The following PGLYRP2 variants were observed in gnomAD, a reference collection of about 807,000 sequenced individuals.
PGLYRP2 encodes N-acetylmuramoyl-L-alanine amidase.
Under a neutral mutation model 46.2 loss-of-function variants are expected in PGLYRP2, and 38 were observed. The ratio of observed to expected loss-of-function variants is 0.82; its 90% CI spans 0.64 to 1.08. PGLYRP2 has a LOEUF of 1.08. Ranked by LOEUF, PGLYRP2 falls within the 50% of genes least tolerant of loss-of-function variation. The pLI is 0.00. For synonymous variants in PGLYRP2, 289 were observed against 329.4 expected, an observed-to-expected ratio of 0.88 and a Z score of 1.33; for missense variants, 713 against 755.9, an observed-to-expected ratio of 0.94 and a Z score of 0.67.
In PGLYRP2 at chr19:15,475,702, C is replaced by T; in HGVS notation, c.968G>A (p.Gly323Asp). ...GFRSNFRRQNGAALTSASILA... is the reference protein window; with the variant it reads ...GFRSNFRRQNDAALTSASILA... ...GATGGAGGCTGAAGTCAGAGCAGCACCGTTCTGCCGTCGGAAGTTGCTGCG... is the reference window on the plus strand; with the variant it reads ...GATGGAGGCTGAAGTCAGAGCAGCATCGTTCTGCCGTCGGAAGTTGCTGCG... Residue 323 changes from glycine (G) to aspartate (D), a missense_variant, in exon 2 of 5, where the codon GGT becomes GAT. Transcript: ENST00000340880. 1 of 1,614,094 alleles carries T rather than the reference C, an allele frequency of 6.2e-7. No homozygotes were observed. Among genetic ancestry groups the T allele is most frequent in the Non-Finnish European group, 8.5e-7 (1 of 1,179,986 alleles).
intron 3 of PGLYRP2, among the ~76,000 whole-genome samples, chr19:15,470,241 TTTCCTTCCTTCC>T (rs71176417): frequency 2.7e-4 from 27 of 100,032 alleles, no homozygotes; most frequent in East Asian, 5.9e-4. Context: ...GTTTTTTTTC[TTTCCTTCCTTCC>T]TTCCTTCCTT....
At chr19:15,470,131 C>T (rs1008757533) in intron 3 of PGLYRP2, among the ~76,000 whole-genome samples, 1 of 152,208 alleles carries the variant, frequency 6.6e-6, no homozygotes, top group Non-Finnish European at 1.5e-5. Flanking sequence ...CTGGATCCGC[C>T]CTTCAGTACT....
chr19:15,477,793 A>G (rs1970812007), intron 1 of PGLYRP2, among the ~76,000 whole-genome samples: 1 of 152,038 alleles, frequency 6.6e-6, no homozygotes, highest in Non-Finnish European at 1.5e-5. Flanking sequence ...GGCTTGTGCC[A>G]TGTTGGGGAA....
Position 15,476,294 on chromosome 19 carries a change from C to T in PGLYRP2, c.376G>A (p.Ala126Thr), listed in dbSNP as rs1454090169. 2 of 1,614,210 alleles carry T rather than the reference C, an allele frequency of 1.2e-6. No individual in the cohort carries two copies. The change falls in exon 2 of 5, where the codon GCG becomes ACG. Residue 126 changes from alanine to threonine, a missense_variant. Ala to Thr is a moderately conservative substitution (Grantham distance 58). Coordinates refer to ENST00000340880, the MANE Select transcript of PGLYRP2 (RefSeq NM_052890.4). ...GSTVAVEPLLAGLEAGLQGRR... is the reference protein window; with the variant it reads ...GSTVAVEPLLTGLEAGLQGRR... ...CCTTGCAGCCCTGCCTCCAGCCCCG[C>T]CAGCAGAGGCTCCACAGCCACGGTC...
chr19:15,469,369 T>C lies in PGLYRP2; in HGVS notation c.1641+263A>G. The C allele has an allele frequency of 2.9e-6, 2 of 693,326 alleles. No homozygotes were observed. The highest frequency in any genetic ancestry group is 5.3e-6 in the Non-Finnish European group (2 of 380,564). 42.9% of individuals were successfully genotyped at this position (693,326 alleles called of 1,614,324 possible). On this transcript the variant is annotated intron_variant, in intron 4 of 4. Transcript: ENST00000340880. This position sits in a 1 kb window ranked among gnomAD's most constrained non-coding sequence, Gnocchi z 4.9. ...GCCTTGGCTGGAAAGGTAGAGGTAT[T>C]AGGAGCTGGGGAAAGGACAGGCTGG...
chr19:15,473,025 C>T (rs1174084374), intron 2 of PGLYRP2, among the ~76,000 whole-genome samples: 2 of 152,092 alleles, frequency 1.3e-5, no homozygotes, highest in Non-Finnish European at 2.9e-5. Flanking sequence ...TAAAGCTGCA[C>T]ACCTACAAAC....
chr19:15,471,567 T>C (rs997803708), intron 3 of PGLYRP2, among the ~76,000 whole-genome samples: 1 of 152,050 alleles, frequency 6.6e-6, no homozygotes, highest in African/African-American at 2.4e-5. Context: ...GCACCAGGCC[T>C]CCTTGTCTGT....
intron 3 of PGLYRP2, among the ~76,000 whole-genome samples, chr19:15,470,293 C>CTTCCTTCCTTACTTCT (rs769321802): frequency 9.8e-6 from 1 of 101,844 alleles, no homozygotes; most frequent in African/African-American, 4.2e-5. Flanking sequence ...TCCTTCCTTC[C>CTTCCTTCCTTACTTCT]TTCTTTCTTT....
Position 15,469,608 on chromosome 19 carries a change from G to T in PGLYRP2, c.1641+24C>A. On this transcript the variant is annotated intron_variant, in intron 4 of 4. Coordinates refer to ENST00000340880, the MANE Select transcript of PGLYRP2 (RefSeq NM_052890.4). The surrounding 1 kb of genome is among the most constrained non-coding windows in gnomAD (Gnocchi z 4.9). ...TGTAGACGGAGGGGCGGCGGGCCGT[G>T]TAGTGCAGGCTGCGAAGACTCACCG... 1 of 1,572,214 alleles carries T rather than the reference G, an allele frequency of 6.4e-7. No homozygotes were observed. The highest frequency in any genetic ancestry group is 1.2e-5 in the South Asian group (1 of 86,912).
chr19:15,474,771 G>A (rs1027517735), intron 2 of PGLYRP2, among the ~76,000 whole-genome samples: 3 of 152,112 alleles, frequency 2.0e-5, no homozygotes, highest in African/African-American at 7.2e-5. Flanking sequence ...GGTGGATCAC[G>A]AGGTCAGGAG....
At chr19:15,475,274 A>G (rs919924171) in intron 2 of PGLYRP2, among the ~76,000 whole-genome samples, 4 of 152,202 alleles carry the variant, frequency 2.6e-5, no homozygotes, top group Non-Finnish European at 4.4e-5. Flanking sequence ...TATGCAATCT[A>G]TGCGAGAAAC....
At position 15,476,485 on chromosome 19, in the gene PGLYRP2, G is replaced by T; in HGVS notation, c.185C>A (p.Pro62His). 1 of 1,614,168 alleles carries T rather than the reference G, an allele frequency of 6.2e-7. No homozygotes were observed. The highest frequency in any genetic ancestry group is 8.5e-7 in the Non-Finnish European group (1 of 1,180,036). The change falls in exon 2 of 5, where the codon CCC (proline) becomes CAC (histidine). Residue 62 changes from proline (P) to histidine (H), a missense_variant. Transcript: ENST00000340880. ...AWLMSAPNSG[P>H]HNRLYHFLLG... Reference sequence around the variant, plus strand: ...CAGGAAGTGGTAGAGGCGATTGTGGGGGCCAGAGTTTGGAGCTGACATCAG... The same window carrying T: ...CAGGAAGTGGTAGAGGCGATTGTGGTGGCCAGAGTTTGGAGCTGACATCAG...
chr19:15,478,951 C>T (rs149993919), intron 1 of PGLYRP2, among the ~76,000 whole-genome samples: 1,910 of 152,208 alleles, frequency 0.013, 15 homozygotes, highest in Non-Finnish European at 0.019. Flanking sequence ...GACACACTCT[C>T]CTGGTCTAGA....
rs151124742 is a variant in PGLYRP2 at position 15,471,650 on chromosome 19, C to T, written c.1343+240G>A. Among the ~76,000 whole-genome samples the T allele has an allele frequency of 9.5e-4, 145 of 152,278 alleles. 1 individual carries two copies. In the South Asian group the frequency reaches 1.0e-2, roughly 10 times the overall value. ...CCGCTCCTCTCCCAGATCCCGCCTCCTGTACTAGTTCTCTACCCTGACTGG... is the reference window on the plus strand; with the variant it reads ...CCGCTCCTCTCCCAGATCCCGCCTCTTGTACTAGTTCTCTACCCTGACTGG... On this transcript the variant is annotated intron_variant, in intron 3 of 4. Coordinates refer to ENST00000340880, the MANE Select transcript of PGLYRP2 (RefSeq NM_052890.4).
Position 15,476,607 on chromosome 19 carries a change from G to A in PGLYRP2, c.63C>T (p.Ala21=). The change falls in exon 2 of 5, where the codon GCC becomes GCT. Residue 21 remains alanine, a splice_region_variant and synonymous_variant. Transcript: ENST00000340880. Reference sequence around the variant, plus strand: ...CAGAGTCCATGAGCAGGGGCAGGGAGGCTGCAGGAGGAAAGAATGTGTTAG... The same window carrying A: ...CAGAGTCCATGAGCAGGGGCAGGGAAGCTGCAGGAGGAAAGAATGTGTTAG... The part of the protein sequence containing the change: ...GLLLWSDPGT[A]SLPLLMDSVI... 3.8e-6 allele frequency: 6 copies of A among 1,584,306 alleles called. No homozygotes were observed. Among genetic ancestry groups the A allele is most frequent in the Non-Finnish European group, 5.1e-6 (6 of 1,165,970 alleles).
chr19:15,476,343 C>G lies in PGLYRP2; in HGVS notation c.327G>C (p.Gly109=), dbSNP rs1407803727. Residue 109 remains glycine, a synonymous_variant, in exon 2 of 5, where the codon GGG becomes GGC. Transcript: ENST00000340880. The stretch of plus-strand genomic sequence containing the variant: ...TCGAGCCATCAGGTGCCAGCACCAC[C>G]CCATATTCCTTCCCTTCTCGTACGT... ...RHDVREGKEY[G]VVLAPDGSTV... 6.2e-7 allele frequency: 1 copy of G among 1,614,066 alleles called. No individual in the cohort carries two copies. The highest frequency in any genetic ancestry group is 1.3e-5 in the African/African-American group (1 of 74,940).
Position 15,469,479 on chromosome 19 carries a change from G to A in PGLYRP2, c.1641+153C>T, listed in dbSNP as rs36020076. 223,323 of 1,060,118 alleles carry A rather than the reference G, an allele frequency of 0.21. 24,420 individuals carry two copies. The highest frequency in any genetic ancestry group is 0.29 in the East Asian group (11,399 of 38,718). 65.7% of individuals were successfully genotyped at this position (1,060,118 alleles called of 1,614,324 possible). ...CCGCAGAGTGACCCGCAAAGGCTGGGCCTAGGTTTCCTGAATAGACGTGCC... is the reference window on the plus strand; with the variant it reads ...CCGCAGAGTGACCCGCAAAGGCTGGACCTAGGTTTCCTGAATAGACGTGCC... On this transcript the variant is annotated intron_variant, in intron 4 of 4. Coordinates refer to ENST00000340880, the MANE Select transcript of PGLYRP2 (RefSeq NM_052890.4). This position sits in a 1 kb window ranked among gnomAD's most constrained non-coding sequence, Gnocchi z 4.9.
At position 15,475,773 on chromosome 19, in the gene PGLYRP2, C is replaced by T. The variant is rs767519962; in HGVS notation, c.897G>A (p.Leu299=). The part of the protein sequence containing the change: ...TPEPRPSLSH[L]LSQYYGAGVA... ...CCCCAGCCCCATAGTACTGGCTCAG[C>T]AAGTGGCTGAGGGATGGCCGGGGCT... is the stretch of plus-strand genomic sequence containing the variant. The change falls in exon 2 of 5, where the codon TTG becomes TTA. Residue 299 remains leucine, a synonymous_variant. Transcript: ENST00000340880. The T allele has an allele frequency of 4.3e-6, 7 of 1,613,972 alleles. No homozygotes were observed. The African/African-American group carries it at 9.3e-5, about 22-fold the overall frequency.
rs1262985312 is a variant in PGLYRP2, at chr19:15,478,626, C to CT, written c.61+684dup. ...AGGAAGTGGCAGAGGCAGGATTTGC[C>CT]TTTGTTTTTTTTTTTTTTTTTTGAG... On this transcript the variant is annotated intron_variant, in intron 1 of 4. Coordinates refer to ENST00000340880, the MANE Select transcript of PGLYRP2 (RefSeq NM_052890.4). Among the ~76,000 whole-genome samples, 447 of 147,572 alleles carry CT rather than the reference C, an allele frequency of 3.0e-3. 2 individuals carry two copies. Among genetic ancestry groups the CT allele is most frequent in the African/African-American group, 0.01 (414 of 39,688 alleles).
Sources: allele counts gnomAD v4.1 joint callset (sites outside exome capture counted in the v4.1 genomes callset), GRCh38; gene constraint gnomAD v4.1.1; non-coding constraint Gnocchi (gnomAD v3.1); transcripts MANE v1.5; gene names NCBI Gene and HGNC (gene_info 2026-07-23, HGNC 2026-07-21).